GMFB: variants seen among roughly 807,000 people sequenced by gnomAD.
GMFB encodes glia maturation factor beta, also known as GMF-beta.
In GMFB, 13 loss-of-function variants were observed where a neutral mutation model predicts 25.6. The observed-to-expected ratio is 0.51, with a 90% CI of 0.33 to 0.81. The LOEUF (loss-of-function observed/expected upper bound fraction) is 0.81, where lower values mean the gene tolerates loss of function less well. GMFB is among the 30% of genes least tolerant of loss of function. The pLI is 0.02. For missense variants in GMFB, 146 were observed against 175.4 expected (o/e 0.83, Z 0.95); for synonymous variants, 57 against 56.9 (o/e 1.00, Z 0.00).
intron 1 of GMFB, among the ~76,000 whole-genome samples, chr14:54,487,707 C>CT (rs2031806814): frequency 6.6e-6 from 1 of 152,116 alleles, no homozygotes; most frequent in Non-Finnish European, 1.5e-5. Flanking sequence ...GAGTGAAACT[C>CT]CGACTCAAAG....
intron 4 of GMFB, 125 bp downstream of exon 4, chr14:54,481,284 C>A: frequency 2.8e-6 from 2 of 702,824 alleles, no homozygotes; most frequent in Admixed American, 4.5e-5. Context: ...AGTATATGCA[C>A]ACATATTTTA....
At position 54,481,409 on chromosome 14, in the gene GMFB, C is replaced by T. The variant is rs773057730; in HGVS notation, c.200G>A (p.Arg67His). 2 of 1,595,120 alleles carry T rather than the reference C, an allele frequency of 1.3e-6. No homozygotes were observed. Among genetic ancestry groups the T allele is most frequent in the Non-Finnish European group, 8.6e-7 (1 of 1,163,164 alleles). Residue 67 changes from arginine (R) to histidine (H), a missense_variant and splice_region_variant, in exon 4 of 7, where the codon CGC (arginine) becomes CAC (histidine). Physicochemically the swap from Arg to His is conservative, Grantham distance 29. Coordinates refer to ENST00000358056, the MANE Select transcript of GMFB (RefSeq NM_004124.3). ...LKDELPERQPRFIVYSYKYQH... is the reference protein window; with the variant it reads ...LKDELPERQPHFIVYSYKYQH... ...TTTTAAAGCACTAAGAAAAGGATAT[C>T]GAGGTTGTCGTTCAGGTAGTTCATC...
chr14:54,485,230 A>G (rs1222029429), intron 1 of GMFB, among the ~76,000 whole-genome samples: 1 of 152,148 alleles, frequency 6.6e-6, no homozygotes, highest in Non-Finnish European at 1.5e-5. Context: ...AAAAGAAGTC[A>G]AATTATCCTT....
intron 2 of GMFB, chr14:54,483,428 G>A (rs1277183213): frequency 2.1e-5 from 9 of 431,286 alleles, no homozygotes; most frequent in Non-Finnish European, 2.5e-5. Flanking sequence ...CAAGACGACC[G>A]CCTTCTCCAG....
rs373386829 is a variant in GMFB, at chr14:54,478,050, G to C, written c.*38C>G. 6.6e-5 allele frequency: 57 copies of C among 869,594 alleles called. No individual in the cohort carries two copies. The highest frequency in any genetic ancestry group is 9.9e-5 in the Non-Finnish European group (55 of 555,160). The allele number at this position is 869,594 out of a possible 1,614,324, so 53.9% of individuals were successfully genotyped here. A position where few individuals can be genotyped will look rare whatever the true frequency, so the allele number is the denominator to read the frequency against. On this transcript the variant is annotated 3_prime_UTR_variant, in exon 7 of 7. Coordinates refer to ENST00000358056, the MANE Select transcript of GMFB (RefSeq NM_004124.3). ...TTATGTCTGATTCCAGTATGGTCAGGTTAATACATAAATACTTTAGAAACA... is the reference window on the plus strand; with the variant it reads ...TTATGTCTGATTCCAGTATGGTCAGCTTAATACATAAATACTTTAGAAACA...
chr14:54,475,248 C>T lies in GMFB; in HGVS notation c.*2840G>A, dbSNP rs1177871989. 6.6e-6 allele frequency: 1 copy of T among 152,518 alleles called. No individual in the cohort carries two copies. Among genetic ancestry groups the T allele is most frequent in the Non-Finnish European group, 1.5e-5 (1 of 67,980 alleles). 9.4% of individuals were successfully genotyped at this position (152,518 alleles called of 1,614,324 possible). ...TAATATCTATATGGGTTGGGGGGAACAGCCAAATTTAATTTGGCAATAAAC... is the reference window on the plus strand; with the variant it reads ...TAATATCTATATGGGTTGGGGGGAATAGCCAAATTTAATTTGGCAATAAAC... On this transcript the variant is annotated 3_prime_UTR_variant, in exon 7 of 7. Transcript: ENST00000358056.
chr14:54,480,019 C>T, intron 5 of GMFB, 160 bp from the exon 6 acceptor site: 1 of 532,932 alleles, frequency 1.9e-6, no homozygotes, highest in Non-Finnish European at 3.3e-6. Context: ...TTGCACACTG[C>T]CTACAGAAAG....
At chr14:54,479,759 A>AAC in intron 6 of GMFB, 27 bp downstream of exon 6, 1 of 1,376,998 alleles carries the variant, frequency 7.3e-7, no homozygotes. Flanking sequence ...ATATTGTCTC[A>AAC]ACAAGTCAGT....
At chr14:54,485,079 G>A (rs989181051) in intron 1 of GMFB, among the ~76,000 whole-genome samples, 1 of 151,596 alleles carries the variant, frequency 6.6e-6, no homozygotes, top group Non-Finnish European at 1.5e-5. Context: ...TACTAAATGG[G>A]GAAAAACTGA....
chr14:54,488,880 G>A (rs1014776474), intron 1 of GMFB, 45 bp downstream of exon 1: 1 of 1,533,400 alleles, frequency 6.5e-7, no homozygotes, highest in Non-Finnish European at 8.8e-7. Context: ...CCGGCTGGCC[G>A]GCTCGCCCAG....
rs1193034050 is a variant in GMFB at position 54,474,857 on chromosome 14, T to C, written c.*3231A>G. 1 of 152,644 alleles carries C rather than the reference T, an allele frequency of 6.6e-6. No individual in the cohort carries two copies. Among genetic ancestry groups the C allele is most frequent in the African/African-American group, 2.4e-5 (1 of 41,472 alleles). 9.5% of individuals were successfully genotyped at this position (152,644 alleles called of 1,614,324 possible). A position where few individuals can be genotyped will look rare whatever the true frequency, so the allele number is the denominator to read the frequency against. ...CACTGATTTGAAATGTCAAATGGCA[T>C]AATAAAAACAAATTTCTCAAGAATA... On this transcript the variant is annotated 3_prime_UTR_variant, in exon 7 of 7. Coordinates refer to ENST00000358056, the MANE Select transcript of GMFB (RefSeq NM_004124.3).
Position 54,483,554 on chromosome 14 carries a change from G to A in GMFB, c.100+117C>T. 4.7e-6 allele frequency: 3 copies of A among 633,610 alleles called. No individual in the cohort carries two copies. In the South Asian group the frequency reaches 5.8e-5, roughly 12 times the overall value. The allele number at this position is 633,610 out of a possible 1,614,324, so 39.2% of individuals were successfully genotyped here. On this transcript the variant is annotated intron_variant, in intron 2 of 6. Transcript: ENST00000358056. ...TTAAAGTGATCTAAAGGTGGTGGTGGGGAAATGAAACAGAGGAAGTAACAT... is the reference window on the plus strand; with the variant it reads ...TTAAAGTGATCTAAAGGTGGTGGTGAGGAAATGAAACAGAGGAAGTAACAT...
In GMFB at chr14:54,479,857, A is replaced by C. The variant is rs1292812943; in HGVS notation, c.286T>G (p.Cys96Gly). Residue 96 changes from cysteine to glycine, a missense_variant and splice_region_variant, in exon 6 of 7, where the codon TGT becomes GGT. By Grantham distance (159) the Cys-to-Gly change is radical. Transcript: ENST00000358056. The stretch of plus-strand genomic sequence containing the variant: ...TACATCATCTGTTGTTCAGGCTTAC[A>C]TCCTGGAAAAGAGAGATTAGTGTAG... ...LCFIFSSPVG[C>G]KPEQQMMYAG... 1 of 1,588,592 alleles carries C rather than the reference A, an allele frequency of 6.3e-7. No individual in the cohort carries two copies.
At position 54,474,819 on chromosome 14, in the gene GMFB, T is replaced by G. The variant is rs2031615152; in HGVS notation, c.*3269A>C. Reference sequence around the variant, plus strand: ...TAAAATACAATTTCTATCACAAGTTTACTGTATATGAGCACTGATTTGAAA... The same window carrying G: ...TAAAATACAATTTCTATCACAAGTTGACTGTATATGAGCACTGATTTGAAA... On this transcript the variant is annotated 3_prime_UTR_variant, in exon 7 of 7. Coordinates refer to ENST00000358056, the MANE Select transcript of GMFB (RefSeq NM_004124.3). 6.6e-6 allele frequency: 1 copy of G among 152,652 alleles called. No individual in the cohort carries two copies. The highest frequency in any genetic ancestry group is 1.9e-4 in the East Asian group (1 of 5,204). 9.5% of individuals were successfully genotyped at this position (152,652 alleles called of 1,614,324 possible).
chr14:54,486,548 A>C (rs1007526800), intron 1 of GMFB, among the ~76,000 whole-genome samples: 41 of 152,352 alleles, frequency 2.7e-4, no homozygotes, highest in African/African-American at 9.9e-4. Flanking sequence ...AAATATCTGC[A>C]AATTCTCCAC....
At chr14:54,481,556 T>C (rs1018210592) in intron 3 of GMFB, 98 bp from the exon 4 acceptor site, 1 of 736,146 alleles carries the variant, frequency 1.4e-6, no homozygotes, top group Non-Finnish European at 2.4e-6. Context: ...TATAAATTTA[T>C]TACCACATGC....
chr14:54,486,067 T>C (rs956941981), intron 1 of GMFB, among the ~76,000 whole-genome samples: 3 of 152,048 alleles, frequency 2.0e-5, no homozygotes, highest in Non-Finnish European at 4.4e-5. Context: ...CTGGCTAACA[T>C]GGTGAAACCC....
At chr14:54,483,459 A>G in intron 2 of GMFB, 2 of 532,550 alleles carry the variant, frequency 3.8e-6, no homozygotes, top group South Asian at 4.6e-5. Flanking sequence ...GCAGCTGATA[A>G]AAGGACTATG....
Position 54,478,138 on chromosome 14 carries a change from C to A in GMFB, c.379G>T (p.Glu127Ter). The change falls in exon 7 of 7, where the codon GAA becomes TAA. Residue 127 changes from glutamate to a stop codon, truncating the protein, a stop_gained. Transcript: ENST00000358056. LOFTEE classifies it high-confidence loss of function. The part of the protein sequence containing the change: ...LTKVFEIRNT[E>*]DLTEEWLREK... ...CGTAACCATTCTTCAGTTAGGTCTTCGGTATTTCTTATTTCAAATACCTTT... is the reference window on the plus strand; with the variant it reads ...CGTAACCATTCTTCAGTTAGGTCTTAGGTATTTCTTATTTCAAATACCTTT... 1.5e-6 allele frequency: 2 copies of A among 1,368,792 alleles called. No individual in the cohort carries two copies. The highest frequency in any genetic ancestry group is 1.5e-5 in the South Asian group (1 of 64,888). 84.8% of individuals were successfully genotyped at this position (1,368,792 alleles called of 1,614,324 possible).
Sources: gnomAD v4.1 joint callset for allele counts (sites outside exome capture counted in the v4.1 genomes callset) on GRCh38, gnomAD v4.1.1 for gene constraint, MANE v1.5 for transcripts, NCBI Gene and HGNC (gene_info 2026-07-23, HGNC 2026-07-21) for gene names.